The following MCPH1 variants were observed in gnomAD, a reference collection of about 807,000 sequenced individuals.
MCPH1 encodes microcephalin 1.
A neutral mutation model predicts 84.5 loss-of-function variants in MCPH1; 104 were observed. That is an observed-to-expected ratio of 1.23 (90% CI 1.05 to 1.45). The LOEUF (loss-of-function observed/expected upper bound fraction) is 1.45, where lower values mean the gene tolerates loss of function less well. Among genes scored for constraint, MCPH1 ranks in the 40% most tolerant of loss-of-function variants. The probability of loss-of-function intolerance (pLI) is 0.00; values close to 1 mark genes in which losing one functional copy is unlikely to be tolerated. For synonymous variants in MCPH1, 514 were observed against 366.8 expected (o/e 1.40, Z -4.58); for missense variants, 1,498 against 1,005.7 (o/e 1.49, Z -6.62).
chr8:6,527,684 T>G, intron 12 of MCPH1: 1 of 1,597,910 alleles, frequency 6.3e-7, no homozygotes, highest in Non-Finnish European at 8.5e-7. Flanking sequence ...TACCTAAATG[T>G]AACAAAATGA....
chr8:6,632,287 T>A (rs1321469207), intron 13 of MCPH1, among the ~76,000 whole-genome samples: 1 of 152,226 alleles, frequency 6.6e-6, no homozygotes, highest in African/African-American at 2.4e-5. Flanking sequence ...GCATTGCGAA[T>A]GTACTTCATG....
At chr8:6,629,974 C>A (rs907031753) in intron 13 of MCPH1, among the ~76,000 whole-genome samples, 3 of 152,164 alleles carry the variant, frequency 2.0e-5, no homozygotes, top group East Asian at 1.9e-4. Flanking sequence ...TACCACAGAA[C>A]CTGGTGTTCC....
At chr8:6,498,661 G>C (rs144037740) in intron 11 of MCPH1, among the ~76,000 whole-genome samples, 1 of 152,140 alleles carries the variant, frequency 6.6e-6, no homozygotes, top group Non-Finnish European at 1.5e-5. Flanking sequence ...TCTGTCACTG[G>C]TACGTTGTAT....
chr8:6,486,024 C>T (rs1325559276), intron 11 of MCPH1, among the ~76,000 whole-genome samples: 1 of 152,122 alleles, frequency 6.6e-6, no homozygotes, highest in African/African-American at 2.4e-5. Flanking sequence ...CATGGCCCCC[C>T]TCCTTTAACT....
At chr8:6,451,831 T>A (rs1805127610) in intron 8 of MCPH1, among the ~76,000 whole-genome samples, 1 of 152,226 alleles carries the variant, frequency 6.6e-6, no homozygotes. Context: ...AAGTGTATAT[T>A]TTTACATGTT....
intron 3 of MCPH1, among the ~76,000 whole-genome samples, chr8:6,416,644 G>A (rs1312460515): frequency 6.6e-6 from 1 of 152,158 alleles, no homozygotes; most frequent in African/African-American, 2.4e-5. Context: ...CAACCTTGCA[G>A]TCCTAGGATA....
At chr8:6,569,516 G>A (rs1390042611) in intron 12 of MCPH1, among the ~76,000 whole-genome samples, 1 of 152,182 alleles carries the variant, frequency 6.6e-6, no homozygotes, top group Non-Finnish European at 1.5e-5. Context: ...CCAAAGGAAA[G>A]CCCCTTCAAG....
chr8:6,609,245 C>T (rs1403846749), intron 12 of MCPH1, among the ~76,000 whole-genome samples: 1 of 152,216 alleles, frequency 6.6e-6, no homozygotes, highest in Non-Finnish European at 1.5e-5. Flanking sequence ...ATGCTGCTGA[C>T]TAGTTCACGC....
intron 9 of MCPH1, among the ~76,000 whole-genome samples, chr8:6,466,082 G>C (rs553271337): frequency 2.0e-5 from 3 of 150,280 alleles, no homozygotes; most frequent in Admixed American, 6.6e-5. Context: ...AGCCTCCCGA[G>C]TAGCTGGGAC....
chr8:6,538,636 C>G (rs76765230), intron 12 of MCPH1, among the ~76,000 whole-genome samples: 1 of 152,176 alleles, frequency 6.6e-6, no homozygotes, highest in Non-Finnish European at 1.5e-5. Context: ...CTCCTCAGGT[C>G]CCACCATCCC....
intron 7 of MCPH1, among the ~76,000 whole-genome samples, chr8:6,443,454 A>G (rs976492222): frequency 1.6e-4 from 25 of 152,270 alleles, no homozygotes; most frequent in African/African-American, 6.0e-4. Context: ...TTTTTAAAGT[A>G]GAACTTCAGT....
At chr8:6,424,592 C>G (rs538340315) in intron 3 of MCPH1, among the ~76,000 whole-genome samples, 1 of 152,316 alleles carries the variant, frequency 6.6e-6, no homozygotes, top group East Asian at 1.9e-4. Flanking sequence ...TGTTTAAGGT[C>G]ACTGACCAGT....
intron 12 of MCPH1, among the ~76,000 whole-genome samples, chr8:6,567,759 A>G (rs73661407): frequency 6.6e-6 from 1 of 152,000 alleles, no homozygotes; most frequent in Non-Finnish European, 1.5e-5. Flanking sequence ...GGACCCCTTC[A>G]CTCTAAATGA....
At chr8:6,477,405 G>A in intron 9 of MCPH1, 189 bp from the exon 10 acceptor site, 1 of 593,064 alleles carries the variant, frequency 1.7e-6, no homozygotes, top group Non-Finnish European at 3.0e-6. Flanking sequence ...TTTGGGGACA[G>A]TATCTGAGTT....
intron 12 of MCPH1, chr8:6,521,181 T>A: frequency 6.2e-7 from 1 of 1,610,856 alleles, no homozygotes; most frequent in African/African-American, 1.3e-5. Flanking sequence ...AACTTACAGT[T>A]TGATGTGGAC....
intron 12 of MCPH1, among the ~76,000 whole-genome samples, chr8:6,555,182 C>A (rs1482002498): frequency 6.6e-6 from 1 of 152,102 alleles, no homozygotes; most frequent in African/African-American, 2.4e-5. Context: ...TTAACATAAT[C>A]CAAGTGCCAG....
At chr8:6,447,223 G>C (rs1393492456) in intron 8 of MCPH1, 1 of 985,268 alleles carries the variant, frequency 1.0e-6, no homozygotes, top group Non-Finnish European at 1.2e-6. Flanking sequence ...TCAGCCCCCT[G>C]GGACTCAGGT....
In MCPH1 at chr8:6,621,611, G is replaced by T; in HGVS notation, c.2372G>T (p.Arg791Leu). 7 of 1,614,186 alleles carry T rather than the reference G, an allele frequency of 4.3e-6. No homozygotes were observed. The highest frequency in any genetic ancestry group is 5.1e-6 in the Non-Finnish European group (6 of 1,180,026). Residue 791 changes from arginine to leucine, a missense_variant, in exon 13 of 14, where the codon CGC (arginine) becomes CTC (leucine). Physicochemically the swap from Arg to Leu is moderately radical, Grantham distance 102. Transcript: ENST00000344683. ...LCGGRVSQVP[R>L]QASIVIGPYS... ...GGAGGCCGGGTCAGCCAAGTCCCCC[G>T]CCAGGCCAGCATCGTCATCGGGCCC...
At chr8:6,577,462 G>C (rs959028700) in intron 12 of MCPH1, among the ~76,000 whole-genome samples, 4 of 152,226 alleles carry the variant, frequency 2.6e-5, no homozygotes, top group Non-Finnish European at 4.4e-5. Context: ...TGGCTGTCTA[G>C]TAAACACACT....
Sources: gnomAD v4.1 joint callset for allele counts (sites outside exome capture counted in the v4.1 genomes callset) on GRCh38, gnomAD v4.1.1 for gene constraint, MANE v1.5 for transcripts, NCBI Gene and HGNC (gene_info 2026-07-23, HGNC 2026-07-21) for gene names.